The following LEPR variants were observed in gnomAD, a reference collection of about 807,000 sequenced individuals.
The protein encoded by LEPR is leptin receptor.
Under a neutral mutation model 114.7 loss-of-function variants are expected in LEPR, and 56 were observed. The ratio of observed to expected loss-of-function variants is 0.49; its 90% confidence interval spans 0.39 to 0.61. LEPR has a LOEUF of 0.61. LEPR is among the 20% of genes least tolerant of loss of function. The pLI is 0.00. For missense variants in LEPR, 1,202 were observed against 1,352.9 expected, an observed-to-expected ratio of 0.89 and a Z score of 1.75; for synonymous variants, 443 against 461.4, an observed-to-expected ratio of 0.96 and a Z score of 0.51.
At chr1:65,445,064 T>C (rs1030635070) in intron 2 of LEPR, among the ~76,000 whole-genome samples, 2 of 152,176 alleles carry the variant, frequency 1.3e-5, no homozygotes, top group Non-Finnish European at 2.9e-5. Flanking sequence ...GCCATCCTAA[T>C]TGGGACACTT....
At chr1:65,505,990 T>G (rs972213193) in intron 2 of LEPR, among the ~76,000 whole-genome samples, 1 of 152,220 alleles carries the variant, frequency 6.6e-6, no homozygotes, top group African/African-American at 2.4e-5. Flanking sequence ...GAAACAATGT[T>G]GATAATAGCG....
At position 65,425,381 on chromosome 1, in the gene LEPR, A is replaced by C; in HGVS notation, c.-21+3A>C. 6.3e-7 allele frequency: 1 copy of C among 1,594,392 alleles called. No homozygotes were observed. Among genetic ancestry groups the C allele is most frequent in the Non-Finnish European group, 8.5e-7 (1 of 1,173,992 alleles). ...GGATGTGCCTTAGAGGATTATGGGT[A>C]AGTTATCATTTCAAAAAGAACTATT... is the stretch of plus-strand genomic sequence containing the variant. On this transcript the variant is annotated splice_donor_region_variant and intron_variant, in intron 2 of 19. Transcript: ENST00000349533.
chr1:65,496,343 C>T (rs11804481), intron 2 of LEPR, among the ~76,000 whole-genome samples: 86,149 of 151,974 alleles, frequency 0.57, 25,190 homozygotes, highest in Middle Eastern at 0.7. Flanking sequence ...GAGGCCAAGG[C>T]GGTGGGATGG....
At chr1:65,549,694 T>A (rs1024581630) in intron 2 of LEPR, among the ~76,000 whole-genome samples, 18 of 152,140 alleles carry the variant, frequency 1.2e-4, no homozygotes, top group African/African-American at 4.3e-4. Context: ...CTGTATTGGT[T>A]ATTCTAGTTA....
chr1:65,613,185 A>C (rs1259654255), intron 14 of LEPR, among the ~76,000 whole-genome samples: 5 of 152,208 alleles, frequency 3.3e-5, no homozygotes, highest in Non-Finnish European at 5.9e-5. Flanking sequence ...TTTGTAATCC[A>C]ATACTACTTT....
chr1:65,467,529 G>A (rs1647030133), intron 2 of LEPR, among the ~76,000 whole-genome samples: 1 of 152,146 alleles, frequency 6.6e-6, no homozygotes. Flanking sequence ...CATTCTCAGA[G>A]CTTGAACACA....
At chr1:65,553,142 C>T (rs570085871) in intron 2 of LEPR, among the ~76,000 whole-genome samples, 1 of 152,282 alleles carries the variant, frequency 6.6e-6, no homozygotes, top group South Asian at 2.1e-4. Flanking sequence ...TCTGGCTGCC[C>T]TTGACGTTTT....
chr1:65,602,311 AG>A lies in LEPR; in HGVS notation c.1403+352del, dbSNP rs1656497504. On this transcript the variant is annotated intron_variant, in intron 10 of 19. Coordinates refer to ENST00000349533, the MANE Select transcript of LEPR (RefSeq NM_002303.6). ...AGAGGAGAATGTGAAAGATTATAAA[AG>A]TTTCGTATCATTTGGCTAAAGATTA... Among the ~76,000 whole-genome samples, 3 of 152,172 alleles carry A rather than the reference AG, an allele frequency of 2.0e-5. No homozygotes were observed. The South Asian group carries it at 6.2e-4, about 32-fold the overall frequency.
intron 2 of LEPR, among the ~76,000 whole-genome samples, chr1:65,550,901 C>A (rs1652281652): frequency 6.6e-6 from 1 of 152,020 alleles, no homozygotes; most frequent in African/African-American, 2.4e-5. Context: ...AATCACCCGT[C>A]TTCTGCGTGG....
chr1:65,421,129 G>A (rs1646241203), intron 1 of LEPR, among the ~76,000 whole-genome samples: 1 of 152,186 alleles, frequency 6.6e-6, no homozygotes, highest in Non-Finnish European at 1.5e-5. Flanking sequence ...TGCCACAAAG[G>A]ACCCTTTGTC....
chr1:65,612,783 A>T (rs1353933334), intron 14 of LEPR, among the ~76,000 whole-genome samples: 1 of 152,130 alleles, frequency 6.6e-6, no homozygotes, highest in Non-Finnish European at 1.5e-5. Flanking sequence ...TGATTAATTT[A>T]GGGTTATGGG....
chr1:65,622,767 A>G, intron 18 of LEPR, 139 bp from the exon 19 acceptor site: 1 of 789,684 alleles, frequency 1.3e-6, no homozygotes, highest in Non-Finnish European at 2.1e-6. Flanking sequence ...TTCATGGGCT[A>G]GCATGTGAAA....
In LEPR at chr1:65,616,094, T is replaced by C; in HGVS notation, c.2082T>C (p.Asp694=). Residue 694 remains aspartate, a synonymous_variant, in exon 15 of 20, where the codon GAT becomes GAC. Transcript: ENST00000349533. ...CCTGCAATGGAACATGGTCAGAAGA[T>C]GTGGGAAATCACACGAAATTCACTT... ...HTSCNGTWSE[D]VGNHTKFTFL... 6.2e-7 allele frequency: 1 copy of C among 1,614,182 alleles called. No homozygotes were observed. The highest frequency in any genetic ancestry group is 8.5e-7 in the Non-Finnish European group (1 of 1,180,018).
chr1:65,608,948 TATA>T, intron 12 of LEPR, 47 bp downstream of exon 12: 1 of 1,608,374 alleles, frequency 6.2e-7, no homozygotes, highest in Non-Finnish European at 8.5e-7. Flanking sequence ...ATGCTATTTT[TATA>T]ATATGTAAGA....
intron 5 of LEPR, among the ~76,000 whole-genome samples, chr1:65,580,814 AG>A (rs2100847755): frequency 6.6e-6 from 1 of 152,318 alleles, no homozygotes; most frequent in Non-Finnish European, 1.5e-5. Context: ...GCCCAGGTGA[AG>A]AGGGGGCAGA....
At chr1:65,626,345 G>T (rs1658214210) in intron 19 of LEPR, 1 of 1,283,872 alleles carries the variant, frequency 7.8e-7, no homozygotes, top group South Asian at 2.8e-5. Context: ...AATACAGTGG[G>T]TGTGAATGTT....
At chr1:65,585,356 T>C (rs1161459637) in intron 5 of LEPR, among the ~76,000 whole-genome samples, 1 of 152,112 alleles carries the variant, frequency 6.6e-6, no homozygotes, top group African/African-American at 2.4e-5. Flanking sequence ...TGTAATAATT[T>C]AGCATAGAAT....
chr1:65,621,210 A>T, intron 17 of LEPR, 143 bp from the exon 18 acceptor site: 1 of 701,654 alleles, frequency 1.4e-6, no homozygotes, highest in Non-Finnish European at 2.4e-6. Context: ...ACATATTTTT[A>T]TCTTCATTTT....
chr1:65,525,275 G>A (rs1570608945), intron 2 of LEPR, among the ~76,000 whole-genome samples: 1 of 152,164 alleles, frequency 6.6e-6, no homozygotes, highest in African/African-American at 2.4e-5. Context: ...TGGAAGTCTG[G>A]GGGTGGGAGG....
Sources: allele counts gnomAD v4.1 joint callset (sites outside exome capture counted in the v4.1 genomes callset), GRCh38; gene constraint gnomAD v4.1.1; transcripts MANE v1.5; gene names NCBI Gene and HGNC (gene_info 2026-07-23, HGNC 2026-07-21).